Variants in ST6GALNAC3 observed in about 807,000 individuals in gnomAD.
ST6GALNAC3 encodes alpha-N-acetylgalactosaminide alpha-2,6-sialyltransferase 3.
In ST6GALNAC3, 25 loss-of-function variants were observed where a neutral mutation model predicts 32.7. The ratio of observed to expected loss-of-function variants is 0.76; its 90% CI spans 0.56 to 1.07. The LOEUF is 1.07. ST6GALNAC3 is among the 50% of genes least tolerant of loss of function. ST6GALNAC3 has a pLI of 0.00. For missense variants in ST6GALNAC3, 355 were observed against 382.4 expected, an observed-to-expected ratio of 0.93 and a Z score of 0.60; for synonymous variants, 129 against 133.1, an observed-to-expected ratio of 0.97 and a Z score of 0.21.
chr1:76,289,253 AT>A (rs1659943565), intron 1 of ST6GALNAC3, among the ~76,000 whole-genome samples: 1 of 152,110 alleles, frequency 6.6e-6, no homozygotes, highest in Admixed American at 6.5e-5. Flanking sequence ...TTTCTCAAGC[AT>A]TTTTGGGCAC....
intron 3 of ST6GALNAC3, among the ~76,000 whole-genome samples, chr1:76,516,786 T>A (rs2101774823): frequency 6.6e-6 from 1 of 152,234 alleles, no homozygotes; most frequent in Admixed American, 6.5e-5. Context: ...TAAATGGTCC[T>A]TTGTTCAGAT....
chr1:76,335,850 C>A (rs1647430131), intron 2 of ST6GALNAC3, among the ~76,000 whole-genome samples: 1 of 152,098 alleles, frequency 6.6e-6, no homozygotes, highest in Non-Finnish European at 1.5e-5. Context: ...TCTAACCATG[C>A]TGGAATGACT....
At chr1:76,323,741 T>A (rs979796483) in intron 2 of ST6GALNAC3, among the ~76,000 whole-genome samples, 4 of 152,232 alleles carry the variant, frequency 2.6e-5, no homozygotes, top group African/African-American at 9.6e-5. Flanking sequence ...AAAGAAAGTT[T>A]GGAGATAATA....
At chr1:76,486,232 T>C (rs1460836061) in intron 3 of ST6GALNAC3, among the ~76,000 whole-genome samples, 1 of 151,514 alleles carries the variant, frequency 6.6e-6, no homozygotes, top group East Asian at 1.9e-4. Flanking sequence ...TGTAGATGTC[T>C]ATTAGGTCTG....
intron 2 of ST6GALNAC3, among the ~76,000 whole-genome samples, chr1:76,341,256 G>T (rs1218360768): frequency 6.6e-6 from 1 of 151,726 alleles, no homozygotes; most frequent in Non-Finnish European, 1.5e-5. Flanking sequence ...CCATCTTTGT[G>T]TGTGTGTGGA....
At chr1:76,274,171 A>G (rs6695042) in intron 1 of ST6GALNAC3, among the ~76,000 whole-genome samples, 23,115 of 152,160 alleles carry the variant, frequency 0.15, 3,214 homozygotes, top group African/African-American at 0.36. Flanking sequence ...CTATGGATCA[A>G]TTATGCATAT....
At chr1:76,283,043 A>G (rs1659585810) in intron 1 of ST6GALNAC3, among the ~76,000 whole-genome samples, 1 of 127,374 alleles carries the variant, frequency 7.9e-6, no homozygotes, top group Admixed American at 8.1e-5. Context: ...AGACTGCCTC[A>G]AAAAGAAAAA....
At chr1:76,531,455 CAT>C (rs889013909) in intron 3 of ST6GALNAC3, among the ~76,000 whole-genome samples, 16 of 152,282 alleles carry the variant, frequency 1.1e-4, no homozygotes, top group African/African-American at 3.4e-4. Flanking sequence ...TCCATAATAA[CAT>C]GTTTGCTAAC....
intron 1 of ST6GALNAC3, among the ~76,000 whole-genome samples, chr1:76,265,052 A>G (rs1016122724): frequency 1.5e-4 from 23 of 152,270 alleles, no homozygotes; most frequent in African/African-American, 5.3e-4. Context: ...AGGAACATCA[A>G]GAGACCTTTA....
rs542072095 is a variant in ST6GALNAC3, at chr1:76,157,398, A to G, written c.18+82514A>G. Among the ~76,000 whole-genome samples, 131 of 152,318 alleles carry G rather than the reference A, an allele frequency of 8.6e-4. 1 individual carries two copies. The highest frequency in any genetic ancestry group is 3.4e-3 in the Middle Eastern group (1 of 294). ...TGTCATGCATTTATTTAGTTGTTCA[A>G]TTCCAGTATACATATGTAGCAGTAT... is the stretch of plus-strand genomic sequence containing the variant. On this transcript the variant is annotated intron_variant, in intron 1 of 4. Coordinates refer to ENST00000328299, the MANE Select transcript of ST6GALNAC3 (RefSeq NM_152996.4).
chr1:76,437,646 C>T (rs1220696685), intron 3 of ST6GALNAC3, among the ~76,000 whole-genome samples: 3 of 150,054 alleles, frequency 2.0e-5, no homozygotes, highest in Non-Finnish European at 2.9e-5. Context: ...GACATGATCT[C>T]GGCTCACTGC....
intron 1 of ST6GALNAC3, among the ~76,000 whole-genome samples, chr1:76,134,441 G>A (rs549730529): frequency 1.4e-4 from 21 of 152,326 alleles, no homozygotes; most frequent in South Asian, 4.1e-4. Flanking sequence ...AGATGACACC[G>A]GAGTTATCCT....
At chr1:76,368,842 T>C (rs566333817) in intron 2 of ST6GALNAC3, among the ~76,000 whole-genome samples, 9 of 152,214 alleles carry the variant, frequency 5.9e-5, no homozygotes, top group African/African-American at 1.4e-4. Flanking sequence ...TGGAAATCAA[T>C]AGTTTTAGCT....
At chr1:76,507,414 G>A (rs949526199) in intron 3 of ST6GALNAC3, among the ~76,000 whole-genome samples, 3 of 152,048 alleles carry the variant, frequency 2.0e-5, no homozygotes, top group Non-Finnish European at 4.4e-5. Flanking sequence ...AAATTAAGCC[G>A]CATACCTCTT....
intron 3 of ST6GALNAC3, among the ~76,000 whole-genome samples, chr1:76,627,101 T>C (rs1649014370): frequency 6.6e-6 from 1 of 151,892 alleles, no homozygotes; most frequent in African/African-American, 2.4e-5. Flanking sequence ...AAGAGAATCT[T>C]TCCTCTGATA....
intron 1 of ST6GALNAC3, among the ~76,000 whole-genome samples, chr1:76,218,381 C>T (rs1316829528): frequency 2.6e-5 from 4 of 152,172 alleles, no homozygotes; most frequent in Non-Finnish European, 5.9e-5. Flanking sequence ...TGCCCTTCTG[C>T]TCTAATCAAG....
chr1:76,211,963 T>G (rs906621747), intron 1 of ST6GALNAC3, among the ~76,000 whole-genome samples: 1 of 152,062 alleles, frequency 6.6e-6, no homozygotes, highest in African/African-American at 2.4e-5. Context: ...TAAAATAAAG[T>G]CCCCATCTCC....
chr1:76,478,373 G>A lies in ST6GALNAC3; in HGVS notation c.623+65956G>A, dbSNP rs558305367. ...GGTGGACTACCTGTCCTGAACGTTC[G>A]CAAACATATCCTTTTGTTTTCTGGA... On this transcript the variant is annotated intron_variant, in intron 3 of 4. Coordinates refer to ENST00000328299, the MANE Select transcript of ST6GALNAC3 (RefSeq NM_152996.4). Among the ~76,000 whole-genome samples the A allele has an allele frequency of 1.4e-3, 211 of 152,136 alleles. 2 individuals carry two copies. The highest frequency in any genetic ancestry group is 2.5e-3 in the Admixed American group (38 of 15,266).
chr1:76,185,357 A>T (rs1416593359), intron 1 of ST6GALNAC3, among the ~76,000 whole-genome samples: 1 of 152,206 alleles, frequency 6.6e-6, no homozygotes, highest in African/African-American at 2.4e-5. Flanking sequence ...TTATTGGAAC[A>T]TCACATTACA....
Sources: allele counts gnomAD v4.1 joint callset (sites outside exome capture counted in the v4.1 genomes callset), GRCh38; gene constraint gnomAD v4.1.1; transcripts MANE v1.5; gene names NCBI Gene and HGNC (gene_info 2026-07-23, HGNC 2026-07-21).